The following PTPRD variants were observed in gnomAD, a reference collection of about 807,000 sequenced individuals.
PTPRD encodes the protein protein tyrosine phosphatase receptor type D.
Under a neutral mutation model 214.5 loss-of-function variants are expected in PTPRD, and 34 were observed. The ratio of observed to expected loss-of-function variants is 0.16; its 90% CI spans 0.12 to 0.21. The LOEUF is 0.21. PTPRD is among the 10% of genes least tolerant of loss of function. PTPRD has a pLI of 1.00. For missense variants in PTPRD, 2,545 were observed against 2,398.7 expected (o/e 1.06, Z -1.27); for synonymous variants, 1,128 against 845.7 (o/e 1.33, Z -5.79).
intron 12 of PTPRD, among the ~76,000 whole-genome samples, chr9:8,694,039 T>C (rs1051420355): frequency 3.9e-5 from 6 of 152,192 alleles, no homozygotes; most frequent in Non-Finnish European, 8.8e-5. Flanking sequence ...TTCAAATGCT[T>C]GTACGTTTAA....
intron 11 of PTPRD, among the ~76,000 whole-genome samples, chr9:8,934,479 A>G (rs1443308506): frequency 2.1e-3 from 9 of 4,266 alleles, no homozygotes; most frequent in African/African-American, 4.9e-3. Context: ...ATATATATAA[A>G]TATATATATA....
At chr9:9,395,133 A>G (rs555838410) in intron 9 of PTPRD, among the ~76,000 whole-genome samples, 1 of 151,560 alleles carries the variant, frequency 6.6e-6, no homozygotes, top group African/African-American at 2.4e-5. Flanking sequence ...CCCCTCATCC[A>G]TAGAGAGAAG....
intron 5 of PTPRD, among the ~76,000 whole-genome samples, chr9:9,929,287 G>C (rs2085496781): frequency 1.3e-5 from 2 of 152,260 alleles, no homozygotes; most frequent in South Asian, 4.2e-4. Context: ...GACCAGTAAA[G>C]TTAACTTGAG....
rs149646285 is a variant in PTPRD, at chr9:9,857,698, C to G, written c.-368+80809G>C. Among the ~76,000 whole-genome samples, 76 of 152,290 alleles carry G rather than the reference C, an allele frequency of 5.0e-4. 2 individuals carry two copies. The East Asian group carries it at 0.014, about 29-fold the overall frequency. On this transcript the variant is annotated intron_variant, in intron 5 of 45. Coordinates refer to ENST00000381196, the MANE Select transcript of PTPRD (RefSeq NM_002839.4). Reference sequence around the variant, plus strand: ...AATGGTAGTTAAGTCAGGCAGCAGACAGAAGTTGGCTACTTTTTGAGCAGA... The same window carrying G: ...AATGGTAGTTAAGTCAGGCAGCAGAGAGAAGTTGGCTACTTTTTGAGCAGA...
At chr9:9,367,260 G>A (rs1018425088) in intron 9 of PTPRD, among the ~76,000 whole-genome samples, 1 of 151,356 alleles carries the variant, frequency 6.6e-6, no homozygotes, top group Non-Finnish European at 1.5e-5. Context: ...GAATTCACTA[G>A]AAGTTAACTG....
At chr9:10,280,622 G>A (rs1294082712) in intron 3 of PTPRD, among the ~76,000 whole-genome samples, 3 of 151,804 alleles carry the variant, frequency 2.0e-5, no homozygotes, top group African/African-American at 7.3e-5. Flanking sequence ...ATATTTTTTT[G>A]AGACAGGCTC....
chr9:9,380,746 C>G (rs141820675), intron 9 of PTPRD, among the ~76,000 whole-genome samples: 1 of 152,188 alleles, frequency 6.6e-6, no homozygotes, highest in Non-Finnish European at 1.5e-5. Flanking sequence ...GTTTTTCTAC[C>G]TGACGTGTCT....
chr9:10,018,891 C>T (rs1240899415), intron 4 of PTPRD, among the ~76,000 whole-genome samples: 1 of 152,054 alleles, frequency 6.6e-6, no homozygotes, highest in Non-Finnish European at 1.5e-5. Flanking sequence ...ATGCACAATA[C>T]TTTAAGGGTA....
chr9:8,970,321 T>C (rs2099229333), intron 11 of PTPRD, among the ~76,000 whole-genome samples: 1 of 151,768 alleles, frequency 6.6e-6, no homozygotes, highest in Admixed American at 6.6e-5. Context: ...GAGCTGAAAA[T>C]AGCATCTTTT....
intron 8 of PTPRD, among the ~76,000 whole-genome samples, chr9:9,469,407 G>A (rs1220326176): frequency 6.6e-6 from 1 of 152,032 alleles, no homozygotes; most frequent in Non-Finnish European, 1.5e-5. Flanking sequence ...AAATCAAAAG[G>A]GCTCACTGGG....
chr9:8,996,981 T>G (rs1282127265), intron 11 of PTPRD, among the ~76,000 whole-genome samples: 1 of 152,102 alleles, frequency 6.6e-6, no homozygotes, highest in African/African-American at 2.4e-5. Flanking sequence ...TTTATGTATG[T>G]AACTTACACC....
intron 14 of PTPRD, among the ~76,000 whole-genome samples, chr9:8,606,699 A>T (rs1192973314): frequency 6.6e-6 from 1 of 152,158 alleles, no homozygotes; most frequent in Non-Finnish European, 1.5e-5. Context: ...AAACAATGCT[A>T]AACAGTCTTT....
At chr9:9,787,317 T>A (rs1257857477) in intron 5 of PTPRD, among the ~76,000 whole-genome samples, 8 of 151,876 alleles carry the variant, frequency 5.3e-5, no homozygotes, top group Non-Finnish European at 2.9e-5. Flanking sequence ...TCAAAATCTT[T>A]GTCAGCTTCC....
intron 13 of PTPRD, among the ~76,000 whole-genome samples, chr9:8,634,160 C>G (rs1260142390): frequency 6.6e-6 from 1 of 151,760 alleles, no homozygotes; most frequent in Non-Finnish European, 1.5e-5. Flanking sequence ...CCTGAATTCA[C>G]CATCATTAGG....
Position 9,296,706 on chromosome 9 carries a change from G to C in PTPRD, c.-203+100743C>G, listed in dbSNP as rs551720475. On this transcript the variant is annotated intron_variant, in intron 9 of 45. Transcript: ENST00000381196. ...AGAGGACTGGAGCTTTTCAAATGTGGCTCTGATTGCTTTTGACATTTTAAA... is the reference window on the plus strand; with the variant it reads ...AGAGGACTGGAGCTTTTCAAATGTGCCTCTGATTGCTTTTGACATTTTAAA... Among the ~76,000 whole-genome samples the C allele has an allele frequency of 2.5e-4, 38 of 151,794 alleles. 1 individual carries two copies. The highest frequency in any genetic ancestry group is 3.4e-3 in the Middle Eastern group (1 of 294).
chr9:9,982,484 G>A (rs1240825411), intron 4 of PTPRD, among the ~76,000 whole-genome samples: 1 of 9,526 alleles, frequency 1.0e-4, no homozygotes, highest in African/African-American at 2.3e-4. Flanking sequence ...TGGTGTGTGT[G>A]TGTGTGTGTG....
chr9:10,195,750 T>A (rs2099395583), intron 3 of PTPRD, among the ~76,000 whole-genome samples: 1 of 151,640 alleles, frequency 6.6e-6, no homozygotes, highest in Non-Finnish European at 1.5e-5. Flanking sequence ...TGGGGAAGGG[T>A]GGAGGAGATG....
chr9:9,677,496 A>G (rs2096959279), intron 7 of PTPRD, among the ~76,000 whole-genome samples: 1 of 152,166 alleles, frequency 6.6e-6, no homozygotes, highest in Non-Finnish European at 1.5e-5. Flanking sequence ...GATGCAGAAA[A>G]GGCCTTTGAC....
intron 2 of PTPRD, among the ~76,000 whole-genome samples, chr9:10,562,867 G>A (rs576332533): frequency 9.2e-5 from 14 of 152,010 alleles, no homozygotes; most frequent in Admixed American, 1.3e-4. Context: ...TTTATATCAT[G>A]CTTTGTAAAA....
Sources: allele counts gnomAD v4.1 joint callset (sites outside exome capture counted in the v4.1 genomes callset), GRCh38; gene constraint gnomAD v4.1.1; transcripts MANE v1.5; gene names NCBI Gene and HGNC (gene_info 2026-07-23, HGNC 2026-07-21).